Variants in RECQL4 observed in about 807,000 individuals in gnomAD.
RECQL4 encodes the protein ATP-dependent DNA helicase Q4.
RECQL4 carries 158 observed loss-of-function variants against 128.6 expected under a neutral mutation model. The ratio of observed to expected loss-of-function variants is 1.23; its 90% CI spans 1.08 to 1.40. The LOEUF (loss-of-function observed/expected upper bound fraction) is 1.40, where lower values mean the gene tolerates loss of function less well. Among genes scored for constraint, RECQL4 ranks in the 40% most tolerant of loss-of-function variants. RECQL4 has a pLI of 0.00. For synonymous variants in RECQL4, 996 were observed against 678.9 expected, an observed-to-expected ratio of 1.47 and a Z score of -7.26; for missense variants, 2,293 against 1,649.8, an observed-to-expected ratio of 1.39 and a Z score of -6.75.
rs1430320264 is a variant in RECQL4, at chr8:144,516,330, T to A, written c.789A>T (p.Arg263Ser). 6.2e-7 allele frequency: 1 copy of A among 1,609,634 alleles called. No homozygotes were observed. Among genetic ancestry groups the A allele is most frequent in the Non-Finnish European group, 8.5e-7 (1 of 1,179,400 alleles). ...GGCTCTCCCAGGGCTCCTCGTTCCA[T>A]CTCCGCTTCTCGCCTCCACTGCTGC... ...QPSSSGGEKR[R>S]WNEEPWESPA... The change falls in exon 5 of 21, where the codon AGA becomes AGT. Residue 263 changes from arginine (R) to serine (S), a missense_variant. Physicochemically the swap from Arg to Ser is moderately radical, Grantham distance 110. Transcript: ENST00000617875.
In RECQL4 at chr8:144,515,112, GGCCTCAGCCCA is replaced by G. The variant is rs1365691434; in HGVS notation, c.1483+27_1483+37del. The G allele has an allele frequency of 3.2e-6, 5 of 1,581,826 alleles. No homozygotes were observed. In the African/African-American group the frequency reaches 4.0e-5, roughly 13 times the overall value. On this transcript the variant is annotated intron_variant, in intron 8 of 20. Transcript: ENST00000617875. ...AGTCAGCAGCAGGGTTCTGCAGCCTGGCCTCAGCCCAGCCTCAGCCCTGGCAGCCACGCTCA... is the reference window on the plus strand; with the variant it reads ...AGTCAGCAGCAGGGTTCTGCAGCCTGGCCTCAGCCCTGGCAGCCACGCTCA...
At chr8:144,513,519 C>T (rs760689318) in intron 13 of RECQL4, 39 bp from the exon 14 acceptor site, 11 of 1,610,768 alleles carry the variant, frequency 6.8e-6, no homozygotes, top group Non-Finnish European at 7.6e-6. Context: ...GGGATGGGAC[C>T]ATGTGTGCCC....
intron 17 of RECQL4, 27 bp from the exon 18 acceptor site, chr8:144,512,351 C>G: frequency 1.2e-6 from 2 of 1,611,010 alleles, no homozygotes; most frequent in Non-Finnish European, 1.7e-6. Context: ...CAGATGCAGG[C>G]AGGCAGCGTC....
Position 144,513,634 on chromosome 8 carries a change from T to A in RECQL4, c.2137A>T (p.Thr713Ser). Residue 713 changes from threonine to serine, a missense_variant, in exon 13 of 21, where the codon ACA becomes TCA. Physicochemically the swap from Thr to Ser is moderately conservative, Grantham distance 58 (BLOSUM62 1). Coordinates refer to ENST00000617875, the MANE Select transcript of RECQL4 (RefSeq NM_004260.4). ...IIIYCNRRED[T>S]ERIAALLRTC... is the part of the protein sequence containing the mutation. ...CGGAGGAGCGCAGCGATCCGCTCTG[T>A]GTCCTCGCGCCGGTTGCAGTAAATG... The A allele has an allele frequency of 6.3e-7, 1 of 1,595,268 alleles. No homozygotes were observed. Among genetic ancestry groups the A allele is most frequent in the Non-Finnish European group, 8.5e-7 (1 of 1,171,518 alleles).
At chr8:144,515,127 T>A in intron 8 of RECQL4, 23 bp downstream of exon 8, 1 of 1,573,228 alleles carries the variant, frequency 6.4e-7, no homozygotes, top group Non-Finnish European at 8.6e-7. Context: ...CAGCCCAGCC[T>A]CAGCCCTGGC....
At position 144,515,051 on chromosome 8, in the gene RECQL4, A is replaced by C; in HGVS notation, c.1505T>G (p.Leu502Arg). 6.2e-7 allele frequency: 1 copy of C among 1,609,010 alleles called. No homozygotes were observed. The highest frequency in any genetic ancestry group is 8.5e-7 in the Non-Finnish European group (1 of 1,178,480). The change falls in exon 9 of 21, where the codon CTG becomes CGG. Residue 502 changes from leucine to arginine, a missense_variant. Leu to Arg is a moderately radical substitution (Grantham distance 102). Transcript: ENST00000617875. ...ILSGISTLLVLPTGAGKSLCY... is the reference protein window; with the variant it reads ...ILSGISTLLVRPTGAGKSLCY... ...CAGGGACTTGCCGGCACCTGTAGGC[A>C]GCACCAGCAGCGTGGAGATGCCTGG...
Position 144,515,995 on chromosome 8 carries a change from C to G in RECQL4, c.1124G>C (p.Arg375Pro). The part of the protein sequence containing the change: ...RGRALRSRLL[R>P]KQAWKQKWRK... ...GGCCCGTCGCTGTCTTACCTGCTTGCGGAGGAGCCTGCTACGGAGTGCCCG... is the reference window on the plus strand; with the variant it reads ...GGCCCGTCGCTGTCTTACCTGCTTGGGGAGGAGCCTGCTACGGAGTGCCCG... Residue 375 changes from arginine to proline, a missense_variant, in exon 5 of 21, where the codon CGC (arginine) becomes CCC (proline). Arg to Pro is a moderately radical substitution (Grantham distance 103). Transcript: ENST00000617875. The G allele has an allele frequency of 1.2e-6, 2 of 1,609,178 alleles. No individual in the cohort carries two copies. Among genetic ancestry groups the G allele is most frequent in the Non-Finnish European group, 1.7e-6 (2 of 1,177,060 alleles).
At chr8:144,512,353 G>A in intron 17 of RECQL4, 29 bp from the exon 18 acceptor site, 2 of 1,611,144 alleles carry the variant, frequency 1.2e-6, no homozygotes, top group African/African-American at 1.3e-5. Flanking sequence ...GATGCAGGCA[G>A]GCAGCGTCCA....
rs557734785 is a variant in RECQL4 at position 144,515,169 on chromosome 8, T to G, written c.1464A>C (p.Ala488=). 3.2e-6 allele frequency: 5 copies of G among 1,564,842 alleles called. No homozygotes were observed. The African/African-American group carries it at 4.1e-5, about 13-fold the overall frequency. The change falls in exon 8 of 21, where the codon GCA becomes GCC. Residue 488 remains alanine (A), a synonymous_variant. Coordinates refer to ENST00000617875, the MANE Select transcript of RECQL4 (RefSeq NM_004260.4). ...GCTCACCAGACAGGATCCGCATGACTGCACGCTCCTGCCCAGGGCGAAAGG... is the reference window on the plus strand; with the variant it reads ...GCTCACCAGACAGGATCCGCATGACGGCACGCTCCTGCCCAGGGCGAAAGG... ...HQAFRPGQER[A]VMRILSGIST...
Position 144,512,999 on chromosome 8 carries a change from A to T in RECQL4, c.2603T>A (p.Val868Glu), listed in dbSNP as rs756122243. 1 of 1,570,432 alleles carries T rather than the reference A, an allele frequency of 6.4e-7. No individual in the cohort carries two copies. The highest frequency in any genetic ancestry group is 8.6e-7 in the Non-Finnish European group (1 of 1,158,528). Residue 868 changes from valine (V) to glutamate (E), a missense_variant, in exon 15 of 21, where the codon GTG becomes GAG. Val to Glu is a moderately radical substitution (Grantham distance 121). Coordinates refer to ENST00000617875, the MANE Select transcript of RECQL4 (RefSeq NM_004260.4). ...CTTGGGCACAGGCCTCTCCCCACCC[A>T]CGGCCCCTTCCTGCTCCGAGGGCGG... ...TRPPSEQEGA[V>E]GGERPVPKYP...
At position 144,512,703 on chromosome 8, in the gene RECQL4, A is replaced by G. The variant is rs1827479492; in HGVS notation, c.2824T>C (p.Tyr942His). The G allele has an allele frequency of 6.2e-7, 1 of 1,612,310 alleles. No homozygotes were observed. ...HHWLELLATT[Y>H]THCRLNCPGG... ...GGGCAGTTCAGACGGCAATGGGTATAGGTGGTCGCCAGCAGCTCCAGCCAG... is the reference window on the plus strand; with the variant it reads ...GGGCAGTTCAGACGGCAATGGGTATGGGTGGTCGCCAGCAGCTCCAGCCAG... Residue 942 changes from tyrosine to histidine, a missense_variant, in exon 16 of 21, where the codon TAT becomes CAT. By Grantham distance (83) the Tyr-to-His change is moderately conservative (BLOSUM62 2). Transcript: ENST00000617875.
rs758179747 is a variant in RECQL4 at position 144,517,456 on chromosome 8, G to A, written c.171C>T (p.Gly57=). ...GGAGCGACTCGGAGCTGCGGAGCCC[G>A]CCGCCGGCCTGGCCCGTGGTACGCT... is the stretch of plus-strand genomic sequence containing the variant. The part of the protein sequence containing the change: ...TLKRTTGQAG[G]GLRSSESLPA... The change falls in exon 3 of 21, where the codon GGC becomes GGT. Residue 57 remains glycine (G), a synonymous_variant. Coordinates refer to ENST00000617875, the MANE Select transcript of RECQL4 (RefSeq NM_004260.4). 103 of 1,594,490 alleles carry A rather than the reference G, an allele frequency of 6.5e-5. 1 individual carries two copies. The East Asian group carries it at 1.9e-3, about 30-fold the overall frequency.
Position 144,513,621 on chromosome 8 carries a change from G to C in RECQL4, c.2150C>G (p.Ala717Gly). Reference sequence around the variant, plus strand: ...GTGCAGGCAGGTTCGGAGGAGCGCAGCGATCCGCTCTGTGTCCTCGCGCCG... The same window carrying C: ...GTGCAGGCAGGTTCGGAGGAGCGCACCGATCCGCTCTGTGTCCTCGCGCCG... ...CNRREDTERI[A>G]ALLRTCLHAA... is the part of the protein sequence containing the mutation. The change falls in exon 13 of 21, where the codon GCT becomes GGT. Residue 717 changes from alanine to glycine, a missense_variant. Ala to Gly is a moderately conservative substitution (Grantham distance 60, BLOSUM62 0). Coordinates refer to ENST00000617875, the MANE Select transcript of RECQL4 (RefSeq NM_004260.4). The C allele has an allele frequency of 1.9e-6, 3 of 1,602,374 alleles. No homozygotes were observed. Among genetic ancestry groups the C allele is most frequent in the Non-Finnish European group, 2.6e-6 (3 of 1,175,100 alleles).
Position 144,514,244 on chromosome 8 carries a change from T to C in RECQL4, c.1823A>G (p.His608Arg), listed in dbSNP as rs1054865813. 2 of 1,612,278 alleles carry C rather than the reference T, an allele frequency of 1.2e-6. No homozygotes were observed. Among genetic ancestry groups the C allele is most frequent in the Non-Finnish European group, 1.7e-6 (2 of 1,179,710 alleles). The change falls in exon 11 of 21, where the codon CAC becomes CGC. Residue 608 changes from histidine to arginine, a missense_variant. Transcript: ENST00000617875. The part of the protein sequence containing the change: ...PVAFACIDEA[H>R]CLSQWSHNFR... ...GTTGTGGGACCACTGGGAGAGGCAG[T>C]GGGCCTCATCAATGCAGGCAAAAGC...
Position 144,517,182 on chromosome 8 carries a change from C to T in RECQL4, c.222G>A (p.Glu74=), listed in dbSNP as rs776577712. 2 of 1,603,052 alleles carry T rather than the reference C, an allele frequency of 1.2e-6. No individual in the cohort carries two copies. Among genetic ancestry groups the T allele is most frequent in the South Asian group, 2.2e-5 (2 of 90,204 alleles). Residue 74 remains glutamate (E), a synonymous_variant, in exon 4 of 21, where the codon GAG becomes GAA. Coordinates refer to ENST00000617875, the MANE Select transcript of RECQL4 (RefSeq NM_004260.4). ...SLPAAAEEAP[E]PRCWGPHLNR... ...TCAGATGGGGCCCCCAGCAGCGGGG[C>T]TCTGGCGCCTGCAGGAGACAACAGG...
intron 6 of RECQL4, 91 bp downstream of exon 6, chr8:144,515,673 C>T: frequency 1.3e-6 from 2 of 1,524,924 alleles, no homozygotes; most frequent in South Asian, 1.2e-5. Context: ...ACCTGGAAGG[C>T]CTGTTGCTTG....
At chr8:144,516,910 C>T in intron 4 of RECQL4, 140 bp downstream of exon 4, 4 of 1,405,526 alleles carry the variant, frequency 2.8e-6, no homozygotes, top group Non-Finnish European at 3.8e-6. Context: ...GGGCGAAGGC[C>T]CCGAGAAGCT....
rs754149435 is a variant in RECQL4 at position 144,517,126 on chromosome 8, G to C, written c.278C>G (p.Thr93Arg). 6.2e-7 allele frequency: 1 copy of C among 1,612,054 alleles called. No individual in the cohort carries two copies. The highest frequency in any genetic ancestry group is 1.7e-5 in the Admixed American group (1 of 59,948). ...CGAGCCCTGGCGGCTCCGCCCTGGC[G>C]TAGACTGTGGACTCTTGGTCGCAGC... ...NRAATKSPQS[T>R]PGRSRQGSVP... The change falls in exon 4 of 21, where the codon ACG (threonine) becomes AGG (arginine). Residue 93 changes from threonine to arginine, a missense_variant. Transcript: ENST00000617875.
Position 144,513,732 on chromosome 8 carries a change from G to A in RECQL4, c.2059-20C>T, listed in dbSNP as rs781232535. 38 of 1,526,880 alleles carry A rather than the reference G, an allele frequency of 2.5e-5. No individual in the cohort carries two copies. Among genetic ancestry groups the A allele is most frequent in the East Asian group, 5.0e-5 (2 of 40,206 alleles). The allele number at this position is 1,526,880 out of a possible 1,614,324, so 94.6% of individuals were successfully genotyped here. A position where few individuals can be genotyped will look rare whatever the true frequency, so the allele number is the denominator to read the frequency against. ...CAGTGCCTGATGAGGAGCGGTTGGC[G>A]TGGGCAGTGGGGAGTGAGGAGGGGT... is the stretch of plus-strand genomic sequence containing the variant. On this transcript the variant is annotated intron_variant, in intron 12 of 20. Transcript: ENST00000617875.
Sources: gnomAD v4.1 joint callset for allele counts on GRCh38, gnomAD v4.1.1 for gene constraint, MANE v1.5 for transcripts, NCBI Gene and HGNC (gene_info 2026-07-23, HGNC 2026-07-21) for gene names.